Variants in MIA2 observed in about 807,000 individuals in gnomAD.
MIA2 encodes the protein melanoma inhibitory activity protein 2.
MIA2 carries 127 observed loss-of-function variants against 167.8 expected under a neutral mutation model. That is an observed-to-expected ratio of 0.76 (90% CI 0.66 to 0.88). MIA2 has a LOEUF of 0.88. MIA2 is among the 40% of genes least tolerant of loss of function. MIA2 has a pLI of 0.00. For missense variants in MIA2, 1,690 were observed against 1,624.7 expected, an observed-to-expected ratio of 1.04 and a Z score of -0.69; for synonymous variants, 552 against 541.9, an observed-to-expected ratio of 1.02 and a Z score of -0.26.
intron 14 of MIA2, 140 bp downstream of exon 14, chr14:39,300,126 T>G (rs1482994782): frequency 9.5e-7 from 1 of 1,051,914 alleles, no homozygotes; most frequent in East Asian, 2.8e-5. Context: ...AAATGTTTCT[T>G]GAAGACTTAC....
intron 23 of MIA2, among the ~76,000 whole-genome samples, chr14:39,360,238 G>T (rs1022715183): frequency 2.0e-5 from 3 of 152,156 alleles, no homozygotes; most frequent in African/African-American, 7.2e-5. Context: ...GGAGGCAGAG[G>T]TTGCAGTGAG....
At chr14:39,293,776 CT>C (rs1342351989) in intron 11 of MIA2, among the ~76,000 whole-genome samples, 5 of 152,056 alleles carry the variant, frequency 3.3e-5, no homozygotes, top group African/African-American at 1.2e-4. Context: ...TATCTTGAGC[CT>C]ATATAACTTA....
intron 10 of MIA2, among the ~76,000 whole-genome samples, chr14:39,292,361 T>C (rs1420972745): frequency 6.6e-6 from 1 of 152,198 alleles, no homozygotes; most frequent in East Asian, 1.9e-4. Context: ...AATTTTTAGC[T>C]GCATTCAACA....
chr14:39,336,611 C>CGA (rs1191855483), intron 25 of MIA2, among the ~76,000 whole-genome samples: 1 of 152,184 alleles, frequency 6.6e-6, no homozygotes, highest in Non-Finnish European at 1.5e-5. Context: ...GTTCATCTAA[C>CGA]ATTCTTATAT....
At chr14:39,358,367 C>T (rs148652043) in intron 23 of MIA2, among the ~76,000 whole-genome samples, 8,805 of 152,292 alleles carry the variant, frequency 0.058, 346 homozygotes, top group Non-Finnish European at 0.081. Context: ...CTTGTGCATT[C>T]GTCACGTAGT....
chr14:39,278,302 A>G (rs1052931671), intron 7 of MIA2, among the ~76,000 whole-genome samples: 18 of 152,080 alleles, frequency 1.2e-4, no homozygotes, highest in African/African-American at 3.1e-4. Context: ...TGGGACTGCT[A>G]TTTTTCAGAT....
intron 9 of MIA2, 42 bp from the exon 10 acceptor site, chr14:39,290,977 A>G (rs565915367): frequency 2.6e-6 from 4 of 1,516,980 alleles, no homozygotes; most frequent in Non-Finnish European, 3.6e-6. Flanking sequence ...GATTTAGAAT[A>G]CAATTGGTAG....
chr14:39,241,913 C>T (rs1257164776), intron 3 of MIA2, among the ~76,000 whole-genome samples: 2 of 152,146 alleles, frequency 1.3e-5, no homozygotes, highest in African/African-American at 2.4e-5. Flanking sequence ...GGACTTTTGA[C>T]TGTTCTTAGA....
rs1015714728 is a variant in MIA2, at chr14:39,278,193, G to A, written c.2019+1128G>A. ...TTCACTGTGTTGCTCAGAACTCCTG[G>A]CCTCAAGTGATCTGCCTGCCTTGGT... On this transcript the variant is annotated intron_variant, in intron 7 of 28. Transcript: ENST00000640607. 4.0e-5 allele frequency among the ~76,000 whole-genome samples: 6 copies of A among 151,844 alleles called. No individual in the cohort carries two copies. In the East Asian group the frequency reaches 7.8e-4, roughly 20 times the overall value.
At chr14:39,318,820 A>G (rs2065923033) in intron 22 of MIA2, among the ~76,000 whole-genome samples, 1 of 152,124 alleles carries the variant, frequency 6.6e-6, no homozygotes. Context: ...GTCTTAATCC[A>G]GGCACTTTCA....
chr14:39,296,777 G>GT (rs970660430), intron 13 of MIA2, among the ~76,000 whole-genome samples: 140 of 145,584 alleles, frequency 9.6e-4, no homozygotes, highest in Middle Eastern at 3.5e-3. Context: ...TCTTTTTGTT[G>GT]TTTTTTTTTT....
chr14:39,269,074 G>GTTTT lies in MIA2; in HGVS notation c.1888-7838_1888-7835dup, dbSNP rs3065036. The GTTTT allele has an allele frequency of 2.6e-3, 1,487 of 582,548 alleles. 96 individuals are homozygous for GTTTT. The highest frequency in any genetic ancestry group is 3.6e-3 in the South Asian group (41 of 11,480). 36.1% of individuals were successfully genotyped at this position (582,548 alleles called of 1,614,324 possible). A position where few individuals can be genotyped will look rare whatever the true frequency, so the allele number is the denominator to read the frequency against. The stretch of plus-strand genomic sequence containing the variant: ...GGTGCGTTGTATCTTCACCTGCACA[G>GTTTT]TTTTTTTTTTTTTTTTTTTTTTTTT... On this transcript the variant is annotated intron_variant, in intron 6 of 28. Transcript: ENST00000640607.
At chr14:39,244,457 T>C (rs2054199963) in intron 3 of MIA2, among the ~76,000 whole-genome samples, 1 of 152,192 alleles carries the variant, frequency 6.6e-6, no homozygotes, top group South Asian at 2.1e-4. Flanking sequence ...ACAGAGGTAG[T>C]AGATGGCAGG....
chr14:39,262,428 A>T (rs1476122243), intron 6 of MIA2, among the ~76,000 whole-genome samples: 2 of 152,154 alleles, frequency 1.3e-5, no homozygotes, highest in African/African-American at 4.8e-5. Context: ...GCTTTGTAGT[A>T]TAGTTTGAAG....
At chr14:39,343,704 C>A (rs536127514) in intron 25 of MIA2, among the ~76,000 whole-genome samples, 1 of 152,028 alleles carries the variant, frequency 6.6e-6, no homozygotes, top group Non-Finnish European at 1.5e-5. Flanking sequence ...AAGAAAGGGA[C>A]CTTTCATGTC....
At chr14:39,268,589 G>A (rs1296096119) in intron 6 of MIA2, among the ~76,000 whole-genome samples, 6 of 152,204 alleles carry the variant, frequency 3.9e-5, no homozygotes, top group African/African-American at 1.4e-4. Flanking sequence ...ATGCTTGCCG[G>A]AGATGTAAGT....
chr14:39,370,615 T>C, intron 23 of MIA2: 1 of 348,210 alleles, frequency 2.9e-6, no homozygotes, highest in South Asian at 2.5e-5. Context: ...GTCCAGCACC[T>C]TGTCCTTCAC....
intron 23 of MIA2, among the ~76,000 whole-genome samples, chr14:39,385,059 TAGC>T (rs899507358): frequency 2.5e-4 from 38 of 152,296 alleles, no homozygotes; most frequent in East Asian, 1.5e-3. Flanking sequence ...TAAGACAAGA[TAGC>T]AGCACATTCT....
intron 23 of MIA2, among the ~76,000 whole-genome samples, chr14:39,377,719 A>C (rs1157305970): frequency 6.6e-6 from 1 of 152,160 alleles, no homozygotes; most frequent in African/African-American, 2.4e-5. Flanking sequence ...TTATTTGCAT[A>C]AAGTACAGCA....
Sources: gnomAD v4.1 joint callset for allele counts (sites outside exome capture counted in the v4.1 genomes callset) on GRCh38, gnomAD v4.1.1 for gene constraint, MANE v1.5 for transcripts, NCBI Gene and HGNC (gene_info 2026-07-23, HGNC 2026-07-21) for gene names.